The following MAGI2 variants were observed in gnomAD, a reference collection of about 807,000 sequenced individuals.
MAGI2 encodes membrane-associated guanylate kinase, WW and PDZ domain-containing protein 2.
MAGI2 carries 35 observed loss-of-function variants against 133.3 expected under a neutral mutation model. The ratio of observed to expected loss-of-function variants is 0.26; its 90% CI spans 0.20 to 0.35. The LOEUF (loss-of-function observed/expected upper bound fraction) is 0.35, where lower values mean the gene tolerates loss of function less well. Ranked by LOEUF, MAGI2 falls within the 10% of genes least tolerant of loss-of-function variation. The pLI is 1.00. For missense variants in MAGI2, 1,636 were observed against 1,863.4 expected (o/e 0.88, Z 2.25); for synonymous variants, 729 against 710.6 (o/e 1.03, Z -0.41).
At chr7:79,347,293 A>T (rs1841392643) in intron 1 of MAGI2, among the ~76,000 whole-genome samples, 1 of 151,918 alleles carries the variant, frequency 6.6e-6, no homozygotes, top group Non-Finnish European at 1.5e-5. Flanking sequence ...ATTCTTTATA[A>T]TTTTATTAAA....
intron 1 of MAGI2, among the ~76,000 whole-genome samples, chr7:79,101,634 G>C (rs1383503947): frequency 6.8e-6 from 1 of 147,684 alleles, no homozygotes; most frequent in Non-Finnish European, 1.5e-5. Flanking sequence ...TGAGGCAGGA[G>C]AATGGCGGGA....
intron 6 of MAGI2, among the ~76,000 whole-genome samples, chr7:78,437,063 G>A (rs1482648637): frequency 5.3e-5 from 8 of 151,794 alleles, no homozygotes; most frequent in African/African-American, 9.7e-5. Flanking sequence ...TGAGGTGTGG[G>A]AGCCTGGAGG....
rs1209221054 is a variant in MAGI2 at position 78,476,911 on chromosome 7, C to T, written c.1045+12850G>A. Among the ~76,000 whole-genome samples, 3 of 151,736 alleles carry T rather than the reference C, an allele frequency of 2.0e-5. No homozygotes were observed. The East Asian group carries it at 5.8e-4, about 29-fold the overall frequency. On this transcript the variant is annotated intron_variant, in intron 6 of 21. Coordinates refer to ENST00000354212, the MANE Select transcript of MAGI2 (RefSeq NM_012301.4). ...AAAAAAAAAATGCTTTTTAAAAAAT[C>T]ATCATCAGCCTTGGAATGCACTGTT...
chr7:78,307,316 CT>C (rs1798322878), intron 9 of MAGI2, among the ~76,000 whole-genome samples: 1 of 151,980 alleles, frequency 6.6e-6, no homozygotes, highest in South Asian at 2.1e-4. Flanking sequence ...TGTTACTGAC[CT>C]TTTGGCTAAT....
At chr7:78,443,154 C>A (rs4501511) in intron 6 of MAGI2, among the ~76,000 whole-genome samples, 139,244 of 152,076 alleles carry the variant, frequency 0.92, 64,376 homozygotes, top group East Asian at 0.99. Flanking sequence ...ATTAATGAAA[C>A]CATATTTCGT....
chr7:78,725,756 G>A (rs28565439), intron 2 of MAGI2, among the ~76,000 whole-genome samples: 6,777 of 152,242 alleles, frequency 0.045, 223 homozygotes, highest in Non-Finnish European at 0.068. Context: ...CCGAGATTGC[G>A]CCACTGCGCT....
chr7:78,147,034 C>A (rs889455902), intron 16 of MAGI2, among the ~76,000 whole-genome samples: 10 of 152,162 alleles, frequency 6.6e-5, no homozygotes, highest in African/African-American at 2.4e-4. Context: ...GGCAAATGAT[C>A]CCTCCTGAGC....
Position 78,194,998 on chromosome 7 carries a change from C to G in MAGI2, c.2145G>C (p.Gln715His). 6.2e-7 allele frequency: 1 copy of G among 1,614,094 alleles called. No individual in the cohort carries two copies. The highest frequency in any genetic ancestry group is 8.5e-7 in the Non-Finnish European group (1 of 1,179,964). ...GAAGGGCAGGTGGGAAGGGCAGGTT[C>G]TGCGGTATGGCCGGAGCAGATAAAC... ...QTSLSAPAIP[Q>H]NLPFPPALHR... Residue 715 changes from glutamine (Q) to histidine (H), a missense_variant, in exon 12 of 22, where the codon CAG becomes CAC. Gln to His is a conservative substitution (Grantham distance 24). Around this residue, in one of 5 missense-constraint regions of MAGI2, gnomAD observed 920 missense variants for 1,093.5 expected, o/e 0.84. Coordinates refer to ENST00000354212, the MANE Select transcript of MAGI2 (RefSeq NM_012301.4).
At chr7:78,581,651 T>G (rs1802850475) in intron 3 of MAGI2, among the ~76,000 whole-genome samples, 1 of 152,234 alleles carries the variant, frequency 6.6e-6, no homozygotes, top group African/African-American at 2.4e-5. Context: ...CTCTCATTGC[T>G]AGGATTATCA....
At chr7:78,206,129 A>G (rs1276612630) in intron 10 of MAGI2, among the ~76,000 whole-genome samples, 1 of 152,164 alleles carries the variant, frequency 6.6e-6, no homozygotes, top group East Asian at 1.9e-4. Flanking sequence ...GTGTGGTAAC[A>G]GTTTTATTAT....
chr7:78,347,132 C>T (rs868195104), intron 7 of MAGI2: 1 of 152,194 alleles, frequency 6.6e-6, no homozygotes, highest in Admixed American at 6.5e-5. Flanking sequence ...TGAATCTCTG[C>T]ACACTTTTTT....
intron 2 of MAGI2, among the ~76,000 whole-genome samples, chr7:78,659,878 A>T (rs994428652): frequency 3.9e-5 from 6 of 152,176 alleles, no homozygotes; most frequent in Admixed American, 2.0e-4. Context: ...GTTCAATTTT[A>T]AAAAAGTTAA....
chr7:79,136,740 A>T (rs566972646), intron 1 of MAGI2, among the ~76,000 whole-genome samples: 12 of 152,274 alleles, frequency 7.9e-5, no homozygotes. Flanking sequence ...TACTTTTTTC[A>T]CACTAAGGTT....
intron 2 of MAGI2, among the ~76,000 whole-genome samples, chr7:78,823,853 A>G (rs557164581): frequency 3.9e-5 from 6 of 152,218 alleles, no homozygotes; most frequent in African/African-American, 1.4e-4. Context: ...ATGTTATCTA[A>G]TAATTACCTA....
chr7:78,121,087 T>C (rs1820427563), intron 20 of MAGI2, among the ~76,000 whole-genome samples: 2 of 148,558 alleles, frequency 1.3e-5, no homozygotes, highest in Non-Finnish European at 3.0e-5. Flanking sequence ...CCTTATATCA[T>C]ACAGAGAAAT....
intron 11 of MAGI2, among the ~76,000 whole-genome samples, chr7:78,200,721 A>C (rs1036002251): frequency 6.6e-6 from 1 of 152,186 alleles, no homozygotes; most frequent in Non-Finnish European, 1.5e-5. Flanking sequence ...GTAGCTCTGC[A>C]TACATTAAAA....
intron 1 of MAGI2, among the ~76,000 whole-genome samples, chr7:79,262,488 G>T (rs1222607262): frequency 1.3e-5 from 2 of 152,124 alleles, no homozygotes; most frequent in African/African-American, 4.8e-5. Context: ...GAAAGCCAAA[G>T]AAATATTTTT....
rs1361394596 is a variant in MAGI2, at chr7:78,019,726, A to G, written c.3957T>C (p.Ser1319=). 3 of 1,604,742 alleles carry G rather than the reference A, an allele frequency of 1.9e-6. No individual in the cohort carries two copies. Among genetic ancestry groups the G allele is most frequent in the Non-Finnish European group, 2.5e-6 (3 of 1,177,964 alleles). ...RLGEQRERSA[S]PQRAARPRLE... is the part of the protein sequence containing the mutation. ...GCCTCGGCCGCGCGGCCCTCTGCGG[A>G]CTCGCCGAGCGCTCCCTCTGCTCCC... Residue 1319 remains serine, a synonymous_variant, in exon 22 of 22, where the codon AGT becomes AGC. Coordinates refer to ENST00000354212, the MANE Select transcript of MAGI2 (RefSeq NM_012301.4).
At chr7:78,450,894 C>A (rs1788657321) in intron 6 of MAGI2, among the ~76,000 whole-genome samples, 1 of 152,034 alleles carries the variant, frequency 6.6e-6, no homozygotes, top group Non-Finnish European at 1.5e-5. Flanking sequence ...GCGAGAAGAA[C>A]AGGGACTTCG....
Sources: allele counts gnomAD v4.1 joint callset (sites outside exome capture counted in the v4.1 genomes callset), GRCh38; gene constraint gnomAD v4.1.1; regional missense constraint gnomAD v4.1.1; transcripts MANE v1.5; gene names NCBI Gene and HGNC (gene_info 2026-07-23, HGNC 2026-07-21).